Variants in ADGRG2 observed in about 807,000 individuals in gnomAD.
ADGRG2 encodes the protein G protein-coupled receptor 64.
A neutral mutation model predicts 74.1 loss-of-function variants in ADGRG2; 26 were observed. That is an observed-to-expected ratio of 0.35 (90% CI 0.26 to 0.49). ADGRG2 has a LOEUF of 0.49. Ranked by LOEUF, ADGRG2 falls within the 20% of genes least tolerant of loss-of-function variation. The pLI is 0.99. For synonymous variants in ADGRG2, 296 were observed against 295.2 expected (o/e 1.00, Z -0.03); for missense variants, 619 against 763.1 (o/e 0.81, Z 2.22).
chrX:18,989,425 C>G lies in ADGRG2; in HGVS notation c.*1439G>C, dbSNP rs2059888789. 1.8e-5 allele frequency: 2 copies of G among 112,470 alleles called. No homozygotes were observed. The highest frequency in any genetic ancestry group is 3.8e-5 in the Non-Finnish European group (2 of 53,306). 9.3% of individuals were successfully genotyped at this position (112,470 alleles called of 1,213,427 possible). ...TATTGCAAAGACAAGTCAGCACTCA[C>G]AGAAATGTGTATTATTACTATGGTT... On this transcript the variant is annotated 3_prime_UTR_variant, in exon 29 of 29. Coordinates refer to ENST00000379869, the MANE Select transcript of ADGRG2 (RefSeq NM_001079858.3).
Position 19,004,816 on chromosome X carries a change from C to T in ADGRG2, c.1903G>A (p.Gly635Ser), listed in dbSNP as rs1248697460. 8.3e-7 allele frequency: 1 copy of T among 1,201,062 alleles called. No homozygotes were observed. The highest frequency in any genetic ancestry group is 1.8e-5 in the African/African-American group (1 of 57,054). ...MMALTFITYI[G>S]CGLSSIFLSV... ...AGAAAAATTGATGAAAGCCCACAAC[C>T]AATATATGTAATGAACGTCAGAGCC... Residue 635 changes from glycine (G) to serine (S), a missense_variant, in exon 23 of 29, where the codon GGT (glycine) becomes AGT (serine). Around this residue, in one of 3 missense-constraint regions of ADGRG2, gnomAD observed 221 missense variants for 340.6 expected, o/e 0.65. Transcript: ENST00000379869.
intron 1 of ADGRG2, among the ~76,000 whole-genome samples, chrX:19,094,136 T>C (rs2062057777): frequency 2.7e-5 from 3 of 110,901 alleles, no homozygotes; most frequent in African/African-American, 9.9e-5. Context: ...TAGATGGATA[T>C]AGAGTATGGA....
At chrX:19,018,704 G>T (rs1414910916) in intron 15 of ADGRG2, among the ~76,000 whole-genome samples, 2 of 111,454 alleles carry the variant, frequency 1.8e-5, no homozygotes, top group Non-Finnish European at 3.8e-5. Context: ...GAACTTTTTC[G>T]TATTTAACTA....
At chrX:19,064,618 A>G (rs2146887506) in intron 3 of ADGRG2, among the ~76,000 whole-genome samples, 1 of 112,268 alleles carries the variant, frequency 8.9e-6, no homozygotes, top group East Asian at 2.8e-4. Flanking sequence ...CCAGAACAAC[A>G]TTGATTCTCA....
chrX:19,091,064 A>T (rs143322813), intron 1 of ADGRG2, among the ~76,000 whole-genome samples: 2 of 111,238 alleles, frequency 1.8e-5, no homozygotes, highest in African/African-American at 3.3e-5. Flanking sequence ...AGGAAGTAAT[A>T]TGTGCAAAGG....
intron 2 of ADGRG2, among the ~76,000 whole-genome samples, chrX:19,074,598 C>T (rs1188246881): frequency 3.3e-5 from 3 of 90,468 alleles, no homozygotes; most frequent in Admixed American, 2.7e-4. Context: ...GAGGCGGAGT[C>T]TCGCTCTGTC....
chrX:19,000,882 GCAC>G (rs2060117809), intron 24 of ADGRG2, among the ~76,000 whole-genome samples: 2 of 108,733 alleles, frequency 1.8e-5, no homozygotes, highest in Non-Finnish European at 3.8e-5. Context: ...TTACAGGTGT[GCAC>G]CACCACACCT....
intron 3 of ADGRG2, among the ~76,000 whole-genome samples, chrX:19,049,455 T>TTTTTTTTTTTTTTTTG (rs1328733136): frequency 1.5e-4 from 14 of 90,978 alleles, no homozygotes; most frequent in African/African-American, 6.3e-4. Context: ...TTTTTTTTTT[T>TTTTTTTTTTTTTTTTG]TTGTTGTTGT....
At chrX:19,122,208 C>T (rs1022978117) in intron 1 of ADGRG2, among the ~76,000 whole-genome samples, 1 of 112,798 alleles carries the variant, frequency 8.9e-6, no homozygotes, top group African/African-American at 3.2e-5. Flanking sequence ...CGGGCTCCCC[C>T]AGTCGGGGAA....
chrX:19,103,296 G>A, intron 1 of ADGRG2, among the ~76,000 whole-genome samples: 1 of 111,687 alleles, frequency 9.0e-6, no homozygotes. Context: ...GGCAACATCA[G>A]GAAGTTACCC....
chrX:19,023,401 T>C lies in ADGRG2; in HGVS notation c.548+15A>G. 6.6e-6 allele frequency: 7 copies of C among 1,052,927 alleles called. No individual in the cohort carries two copies. The highest frequency in any genetic ancestry group is 6.5e-6 in the Non-Finnish European group (5 of 771,727). 86.8% of individuals were successfully genotyped at this position (1,052,927 alleles called of 1,213,427 possible). ...TGGAGAAATTATATTTATGAAAGTA[T>C]TAAAAATGACTGACCTTTGGGCCTC... On this transcript the variant is annotated intron_variant, in intron 13 of 28. Transcript: ENST00000379869.
chrX:19,074,925 C>T (rs1007808534), intron 2 of ADGRG2, among the ~76,000 whole-genome samples: 1 of 110,277 alleles, frequency 9.1e-6, no homozygotes, highest in African/African-American at 3.3e-5. Flanking sequence ...AATTGCCAGG[C>T]CAAAGGTGAA....
At chrX:19,116,923 T>C (rs181727919) in intron 1 of ADGRG2, among the ~76,000 whole-genome samples, 284 of 112,418 alleles carry the variant, frequency 2.5e-3, no homozygotes, top group Non-Finnish European at 4.7e-3. Context: ...TATCAATACA[T>C]TGCACACAGG....
chrX:19,078,593 G>A (rs1229996358), intron 2 of ADGRG2, among the ~76,000 whole-genome samples: 1 of 110,374 alleles, frequency 9.1e-6, no homozygotes, highest in Non-Finnish European at 1.9e-5. Context: ...GAAAATATTC[G>A]ACTTGATCAA....
chrX:19,116,259 C>T (rs1440885702), intron 1 of ADGRG2, among the ~76,000 whole-genome samples: 5 of 109,266 alleles, frequency 4.6e-5, no homozygotes, highest in African/African-American at 1.7e-4. Context: ...GCCTGTAATC[C>T]CAGCACTATA....
intron 1 of ADGRG2, among the ~76,000 whole-genome samples, chrX:19,090,469 G>C (rs2062000153): frequency 9.0e-6 from 1 of 111,660 alleles, no homozygotes. Context: ...TAAGAAAGAA[G>C]AAAATATATT....
chrX:19,061,767 C>T (rs1372320566), intron 3 of ADGRG2, among the ~76,000 whole-genome samples: 1 of 112,056 alleles, frequency 8.9e-6, no homozygotes, highest in Non-Finnish European at 1.9e-5. Flanking sequence ...AATCTTTGTC[C>T]ACCCTCCTTT....
At chrX:19,101,803 C>A (rs1322867047) in intron 1 of ADGRG2, among the ~76,000 whole-genome samples, 1 of 110,835 alleles carries the variant, frequency 9.0e-6, no homozygotes, top group Admixed American at 9.6e-5. Flanking sequence ...TTAAGCACCT[C>A]CAGCTGTTAC....
intron 3 of ADGRG2, among the ~76,000 whole-genome samples, chrX:19,055,172 G>C (rs1185422948): frequency 8.0e-5 from 9 of 112,224 alleles, no homozygotes; most frequent in African/African-American, 2.3e-4. Context: ...GTGAAGATGA[G>C]AGCTTTATAG....
Sources: allele counts gnomAD v4.1 joint callset (sites outside exome capture counted in the v4.1 genomes callset), GRCh38; gene constraint gnomAD v4.1.1; regional missense constraint gnomAD v4.1.1; transcripts MANE v1.5; gene names NCBI Gene and HGNC (gene_info 2026-07-23, HGNC 2026-07-21).